PHB2: variants seen among roughly 807,000 people sequenced by gnomAD.
PHB2 encodes prohibitin-2.
In PHB2, 22 loss-of-function variants were observed where a neutral mutation model predicts 46.4. The ratio of observed to expected loss-of-function variants is 0.47; its 90% CI spans 0.34 to 0.68. PHB2 has a LOEUF of 0.68. Among genes scored for constraint, PHB2 ranks in the 30% least tolerant of loss-of-function variants. PHB2 has a pLI of 0.01. For missense variants in PHB2, 305 were observed against 382.8 expected (o/e 0.80, Z 1.70); for synonymous variants, 156 against 150.5 (o/e 1.04, Z -0.27).
At chr12:6,966,292 C>T in intron 8 of PHB2, 132 bp downstream of exon 8, 1 of 674,202 alleles carries the variant, frequency 1.5e-6, no homozygotes, top group Middle Eastern at 3.9e-4. Context: ...AAACTGTCAA[C>T]CACCCCCTTT....
rs782139974 is a variant in PHB2 at position 6,965,339 on chromosome 12, G to A, written c.*346C>T. ...TGCCAGTTACCCAGTTCATGAACAC[G>A]TGAAGCCTTGACTTCAGGTTAAGTA... On this transcript the variant is annotated 3_prime_UTR_variant, in exon 10 of 10. Transcript: ENST00000535923. 1.7e-5 allele frequency: 6 copies of A among 363,266 alleles called. No individual in the cohort carries two copies. The highest frequency in any genetic ancestry group is 1.1e-4 in the Admixed American group (3 of 27,210). 22.5% of individuals were successfully genotyped at this position (363,266 alleles called of 1,614,324 possible). A position where few individuals can be genotyped will look rare whatever the true frequency, so the allele number is the denominator to read the frequency against.
At position 6,965,578 on chromosome 12, in the gene PHB2, GCA is replaced by G; in HGVS notation, c.*105_*106del. ...CAGGGAACCGGTGTGGGGGACCATCGCATGATACTGGGGCGGGGTAGGGCTGT... is the reference window on the plus strand; with the variant it reads ...CAGGGAACCGGTGTGGGGGACCATCGTGATACTGGGGCGGGGTAGGGCTGT... On this transcript the variant is annotated 3_prime_UTR_variant, in exon 10 of 10. Coordinates refer to ENST00000535923, the MANE Select transcript of PHB2 (RefSeq NM_001144831.2). 1 of 839,316 alleles carries G rather than the reference GCA, an allele frequency of 1.2e-6. No individual in the cohort carries two copies. Among genetic ancestry groups the G allele is most frequent in the South Asian group, 1.4e-5 (1 of 70,486 alleles). 52.0% of individuals were successfully genotyped at this position (839,316 alleles called of 1,614,324 possible).
chr12:6,969,436 G>A (rs999910128), intron 3 of PHB2, 62 bp downstream of exon 3: 2 of 884,978 alleles, frequency 2.3e-6, no homozygotes, highest in Non-Finnish European at 3.6e-6. Context: ...TTCCCCTGGG[G>A]TTTCTTGCCA....
chr12:6,970,719 A>C (rs1377633579), upstream of PHB2: 1 of 948,746 alleles, frequency 1.1e-6, no homozygotes, highest in Non-Finnish European at 1.5e-6. Flanking sequence ...CCCACTACGG[A>C]CCCGAACTTC....
At position 6,967,811 on chromosome 12, in the gene PHB2, CCT is replaced by C; in HGVS notation, c.608-34_608-33del. The C allele has an allele frequency of 3.1e-6, 5 of 1,610,248 alleles. No homozygotes were observed. The highest frequency in any genetic ancestry group is 4.2e-6 in the Non-Finnish European group (5 of 1,177,158). On this transcript the variant is annotated intron_variant, in intron 5 of 9. Coordinates refer to ENST00000535923, the MANE Select transcript of PHB2 (RefSeq NM_001144831.2). This position sits in a 1 kb window ranked among gnomAD's most constrained non-coding sequence, Gnocchi z 4.9. ...TGGGAGAGAGTCAGGGAGACCCTGTCCTGGGTCAGGAGCCCCACCCATGGAGT... is the reference window on the plus strand; with the variant it reads ...TGGGAGAGAGTCAGGGAGACCCTGTCGGGTCAGGAGCCCCACCCATGGAGT...
In PHB2 at chr12:6,965,566, T is replaced by A; in HGVS notation, c.*119A>T. The A allele has an allele frequency of 2.6e-6, 2 of 773,322 alleles. No homozygotes were observed. Among genetic ancestry groups the A allele is most frequent in the Non-Finnish European group, 4.5e-6 (2 of 439,950 alleles). 47.9% of individuals were successfully genotyped at this position (773,322 alleles called of 1,614,324 possible). On this transcript the variant is annotated 3_prime_UTR_variant, in exon 10 of 10. Transcript: ENST00000535923. Reference sequence around the variant, plus strand: ...CCAAGAGGGGTTCAGGGAACCGGTGTGGGGGACCATCGCATGATACTGGGG... The same window carrying A: ...CCAAGAGGGGTTCAGGGAACCGGTGAGGGGGACCATCGCATGATACTGGGG...
At chr12:6,966,392 G>A (rs1946211431) in intron 8 of PHB2, 32 bp downstream of exon 8, 2 of 1,353,588 alleles carry the variant, frequency 1.5e-6, no homozygotes, top group East Asian at 4.6e-5. Flanking sequence ...CACGTTCTTG[G>A]TGATACCCCA....
rs782807979 is a variant in PHB2 at position 6,967,752 on chromosome 12, A to T, written c.635T>A (p.Phe212Tyr). ...VAQQEAQRAQ[F>Y]LVEKAKQEQR... Reference sequence around the variant, plus strand: ...TTCCTGCTTTGCTTTTTCTACCAAGAATTGGGCCCGCTGGGCCTCCTGCTG... The same window carrying T: ...TTCCTGCTTTGCTTTTTCTACCAAGTATTGGGCCCGCTGGGCCTCCTGCTG... The change falls in exon 6 of 10, where the codon TTC (phenylalanine) becomes TAC (tyrosine). Residue 212 changes from phenylalanine to tyrosine, a missense_variant. Phe to Tyr is a conservative substitution (Grantham distance 22). This residue lies in a region of PHB2 where 241 missense variants were observed against 302.7 expected (regional missense o/e 0.80). Coordinates refer to ENST00000535923, the MANE Select transcript of PHB2 (RefSeq NM_001144831.2). This position sits in a 1 kb window ranked among gnomAD's most constrained non-coding sequence, Gnocchi z 4.9. The T allele has an allele frequency of 6.2e-7, 1 of 1,613,868 alleles. No individual in the cohort carries two copies. Among genetic ancestry groups the T allele is most frequent in the Admixed American group, 1.7e-5 (1 of 60,012 alleles).
In PHB2 at chr12:6,970,461, C is replaced by G; in HGVS notation, c.83G>C (p.Gly28Ala). 1 of 1,605,392 alleles carries G rather than the reference C, an allele frequency of 6.2e-7. No homozygotes were observed. Among genetic ancestry groups the G allele is most frequent in the Non-Finnish European group, 8.5e-7 (1 of 1,179,588 alleles). The change falls in exon 1 of 10, where the codon GGG becomes GCG. Residue 28 changes from glycine (G) to alanine (A), a missense_variant. Coordinates refer to ENST00000535923, the MANE Select transcript of PHB2 (RefSeq NM_001144831.2). ...CACACCGTAGGCCACGGCGCCGGCC[C>G]CCAGCAACAGCTTCAGGGCCGTGCC... is the stretch of plus-strand genomic sequence containing the variant. ...GMGTALKLLL[G>A]AGAVAYGVRE...
Position 6,967,917 on chromosome 12 carries a change from T to C in PHB2, c.582A>G (p.Thr194=), listed in dbSNP as rs1555151162. 1 of 1,613,906 alleles carries C rather than the reference T, an allele frequency of 6.2e-7. No homozygotes were observed. Among genetic ancestry groups the C allele is most frequent in the South Asian group, 1.1e-5 (1 of 91,074 alleles). Residue 194 remains threonine, a synonymous_variant, in exon 5 of 10, where the codon ACA becomes ACG. Transcript: ENST00000535923. This position sits in a 1 kb window ranked among gnomAD's most constrained non-coding sequence, Gnocchi z 4.9. Reference sequence around the variant, plus strand: ...CCACTTGTTTGGCTTCTACAGCAGCTGTGTACTCTCGGCTAAAGCTCAGCT... The same window carrying C: ...CCACTTGTTTGGCTTCTACAGCAGCCGTGTACTCTCGGCTAAAGCTCAGCT... ...ITELSFSREY[T]AAVEAKQVAQ...
rs937076158 is a variant in PHB2 at position 6,970,644 on chromosome 12, G to T, written c.-101C>A. The T allele has an allele frequency of 7.3e-7, 1 of 1,372,596 alleles. No individual in the cohort carries two copies. The highest frequency in any genetic ancestry group is 9.8e-7 in the Non-Finnish European group (1 of 1,018,536). 85.0% of individuals were successfully genotyped at this position (1,372,596 alleles called of 1,614,324 possible). On this transcript the variant is annotated 5_prime_UTR_variant, in exon 1 of 10. Coordinates refer to ENST00000535923, the MANE Select transcript of PHB2 (RefSeq NM_001144831.2). Reference sequence around the variant, plus strand: ...ACTGCACCCTTCACACGAGGGTTCGGGCCCGTAAGGCTGGCGAAAGAAAGG... The same window carrying T: ...ACTGCACCCTTCACACGAGGGTTCGTGCCCGTAAGGCTGGCGAAAGAAAGG...
chr12:6,965,437 G>A lies in PHB2; in HGVS notation c.*248C>T, dbSNP rs184789896. 1.0e-5 allele frequency: 6 copies of A among 572,864 alleles called. No homozygotes were observed. In the East Asian group the frequency reaches 1.5e-4, roughly 14 times the overall value. 35.5% of individuals were successfully genotyped at this position (572,864 alleles called of 1,614,324 possible). On this transcript the variant is annotated 3_prime_UTR_variant, in exon 10 of 10. Transcript: ENST00000535923. ...CCTTGAGGGAGGGAACAACACTGTA[G>A]GAAATCACTGAGAAATCACGCACTG...
rs1565589301 is a variant in PHB2 at position 6,966,478 on chromosome 12, AT to A, written c.811del (p.Ile271SerfsTer10). On this transcript the variant is annotated frameshift_variant, in exon 8 of 10. Transcript: ENST00000535923. LOFTEE classifies it high-confidence loss of function. ...CACAAGGTTGTCAGCTGTGAGATAG[AT>A]ACGATTCTGTGATGTGGCGATCTAC... is the stretch of plus-strand genomic sequence containing the variant. The part of the protein sequence containing the change: ...SKTIATSQNR[I>X]YLTADNLVLN... 4 of 1,610,660 alleles carry A rather than the reference AT, an allele frequency of 2.5e-6. No individual in the cohort carries two copies. Among genetic ancestry groups the A allele is most frequent in the Non-Finnish European group, 3.4e-6 (4 of 1,176,848 alleles).
At position 6,966,464 on chromosome 12, in the gene PHB2, C is replaced by A. The variant is rs1184251360; in HGVS notation, c.826G>T (p.Asp276Tyr). Residue 276 changes from aspartate (D) to tyrosine (Y), a missense_variant, in exon 8 of 10, where the codon GAC (aspartate) becomes TAC (tyrosine). Physicochemically the swap from Asp to Tyr is radical, Grantham distance 160. Transcript: ENST00000535923. The part of the protein sequence containing the change: ...TSQNRIYLTA[D>Y]NLVLNLQDES... ...TCCTGTAGGTTCAGCACAAGGTTGTCAGCTGTGAGATAGATACGATTCTGT... is the reference window on the plus strand; with the variant it reads ...TCCTGTAGGTTCAGCACAAGGTTGTAAGCTGTGAGATAGATACGATTCTGT... The A allele has an allele frequency of 6.2e-7, 1 of 1,611,298 alleles. No homozygotes were observed. Among genetic ancestry groups the A allele is most frequent in the African/African-American group, 1.3e-5 (1 of 74,860 alleles).
Position 6,970,368 on chromosome 12 carries a change from T to A in PHB2, c.127+49A>T, listed in dbSNP as rs782420512. 4.4e-6 allele frequency: 7 copies of A among 1,603,622 alleles called. No homozygotes were observed. In the South Asian group the frequency reaches 6.6e-5, roughly 15 times the overall value. On this transcript the variant is annotated intron_variant, in intron 1 of 9. Transcript: ENST00000535923. ...AGGGGCGCGGGGACAGGGCAAGGGG[T>A]TTGGGGGAGGGACTGGAAGCGTCCG...
chr12:6,969,543 T>C lies in PHB2; in HGVS notation c.247A>G (p.Ile83Val). The change falls in exon 3 of 10, where the codon ATT (isoleucine) becomes GTT (valine). Residue 83 changes from isoleucine to valine, a missense_variant. Coordinates refer to ENST00000535923, the MANE Select transcript of PHB2 (RefSeq NM_001144831.2). ...GAGATTTTTCGAGGTCTGGCCCGAA[T>C]GTCATAGATAATGGGGTACTGGAAC... ...PWFQYPIIYDIRARPRKISSP... is the reference protein window; with the variant it reads ...PWFQYPIIYDVRARPRKISSP... 6.2e-7 allele frequency: 1 copy of C among 1,610,034 alleles called. No homozygotes were observed. Among genetic ancestry groups the C allele is most frequent in the Non-Finnish European group, 8.5e-7 (1 of 1,176,946 alleles).
At chr12:6,966,696 G>A (rs1555150830) in intron 7 of PHB2, among the ~76,000 whole-genome samples, 196 bp from the exon 8 acceptor site, 1 of 152,162 alleles carries the variant, frequency 6.6e-6, no homozygotes, top group African/African-American at 2.4e-5. Context: ...AAAGGTCAGG[G>A]AACCCAGAGG....
At chr12:6,969,038 G>A (rs1168870271) in intron 3 of PHB2, among the ~76,000 whole-genome samples, 3 of 152,154 alleles carry the variant, frequency 2.0e-5, no homozygotes, top group Admixed American at 1.3e-4. Context: ...CTGACCCAGG[G>A]TGTATATGTG....
intron 2 of PHB2, 52 bp downstream of exon 2, chr12:6,970,144 G>C: frequency 7.6e-7 from 1 of 1,317,344 alleles, no homozygotes; most frequent in South Asian, 1.2e-5. Context: ...GCCACTGCTG[G>C]GTCGGCGTCA....
Sources: allele counts gnomAD v4.1 joint callset (sites outside exome capture counted in the v4.1 genomes callset), GRCh38; gene constraint gnomAD v4.1.1; regional missense constraint gnomAD v4.1.1; non-coding constraint Gnocchi (gnomAD v3.1); transcripts MANE v1.5; gene names NCBI Gene and HGNC (gene_info 2026-07-23, HGNC 2026-07-21).